TMEM120A: variants seen among roughly 807,000 people sequenced by gnomAD.
The protein encoded by TMEM120A is ion channel TACAN.
In TMEM120A, 45 loss-of-function variants were observed where a neutral mutation model predicts 54.3. The observed-to-expected ratio is 0.83, with a 90% confidence interval of 0.65 to 1.06. TMEM120A has a LOEUF of 1.06. TMEM120A is among the 50% of genes least tolerant of loss of function. The pLI is 0.00. For missense variants in TMEM120A, 424 were observed against 441.7 expected, an observed-to-expected ratio of 0.96 and a Z score of 0.36; for synonymous variants, 204 against 178.5, an observed-to-expected ratio of 1.14 and a Z score of -1.14.
At position 75,986,991 on chromosome 7, in the gene TMEM120A, T is replaced by TA; in HGVS notation, c.*180_*181insT. The stretch of plus-strand genomic sequence containing the variant: ...AGAACACACACGCTCAGGCCACCTC[T>TA]GGGCCTCTCTTTATTGAGGGCACTG... On this transcript the variant is annotated 3_prime_UTR_variant, in exon 12 of 12. Coordinates refer to ENST00000493111, the MANE Select transcript of TMEM120A (RefSeq NM_031925.3). 1.7e-6 allele frequency: 1 copy of TA among 578,728 alleles called. No individual in the cohort carries two copies. Among genetic ancestry groups the TA allele is most frequent in the Non-Finnish European group, 3.1e-6 (1 of 325,776 alleles). The allele number at this position is 578,728 out of a possible 1,614,324, so 35.8% of individuals were successfully genotyped here.
rs920155912 is a variant in TMEM120A, at chr7:75,987,077, C to A, written c.*95G>T. 2.0e-5 allele frequency: 21 copies of A among 1,042,472 alleles called. 1 individual carries two copies. The highest frequency in any genetic ancestry group is 1.7e-4 in the Admixed American group (8 of 46,364). 64.6% of individuals were successfully genotyped at this position (1,042,472 alleles called of 1,614,324 possible). On this transcript the variant is annotated 3_prime_UTR_variant, in exon 12 of 12. Coordinates refer to ENST00000493111, the MANE Select transcript of TMEM120A (RefSeq NM_031925.3). The stretch of plus-strand genomic sequence containing the variant: ...AAAACCCAAGGGAGAATAGAAGAGA[C>A]CCCCTGATACACGCACACTCGAGGG...
In TMEM120A at chr7:75,994,547, C is replaced by G. The variant is rs1328500617; in HGVS notation, c.24G>C (p.Pro8=). 41 of 1,557,054 alleles carry G rather than the reference C, an allele frequency of 2.6e-5. No individual in the cohort carries two copies. The highest frequency in any genetic ancestry group is 3.5e-5 in the Non-Finnish European group (40 of 1,152,182). The change falls in exon 1 of 12, where the codon CCG becomes CCC. Residue 8 remains proline, a synonymous_variant. Transcript: ENST00000493111. MQPPPPG[P]LGDCLRDWED... is the part of the protein sequence containing the mutation. ...CCCAGTCCCGCAGGCAGTCGCCCAG[C>G]GGGCCCGGGGGCGGGGGCTGCATGG...
intron 1 of TMEM120A, 35 bp from the exon 2 acceptor site, chr7:75,992,592 G>T: frequency 6.7e-7 from 1 of 1,486,966 alleles, no homozygotes; most frequent in African/African-American, 1.4e-5. Flanking sequence ...AGGCCAGTTG[G>T]GGAGCTACTG....
chr7:75,987,745 C>T lies in TMEM120A; in HGVS notation c.757G>A (p.Glu253Lys), dbSNP rs782587381. 8.7e-6 allele frequency: 14 copies of T among 1,612,308 alleles called. No individual in the cohort carries two copies. The highest frequency in any genetic ancestry group is 4.5e-5 in the East Asian group (2 of 44,866). ...GCLYRLRALG[E>K]RHTMDLTVEG... Reference sequence around the variant, plus strand: ...ACAGTGAGGTCCATGGTGTGCCGCTCGCCCAGCGCCCGCAGGCGGTAGAGG... The same window carrying T: ...ACAGTGAGGTCCATGGTGTGCCGCTTGCCCAGCGCCCGCAGGCGGTAGAGG... The change falls in exon 9 of 12, where the codon GAG becomes AAG. Residue 253 changes from glutamate (E) to lysine (K), a missense_variant. Glu to Lys is a moderately conservative substitution (Grantham distance 56). Transcript: ENST00000493111.
rs1230147209 is a variant in TMEM120A at position 75,987,326 on chromosome 7, C to T, written c.918+34G>A. The T allele has an allele frequency of 6.4e-6, 10 of 1,566,888 alleles. No homozygotes were observed. The East Asian group carries it at 9.6e-5, about 15-fold the overall frequency. On this transcript the variant is annotated intron_variant, in intron 11 of 11. Transcript: ENST00000493111. ...GGTGAGGGCTGGACATGGGCCTGGC[C>T]CCCCATCCATCCTGTCCAGGGACCC...
intron 5 of TMEM120A, 31 bp downstream of exon 5, chr7:75,988,390 G>A (rs1457123190): frequency 1.7e-5 from 27 of 1,610,562 alleles, no homozygotes; most frequent in Non-Finnish European, 2.1e-5. Flanking sequence ...CTGGGGATGG[G>A]GTGGGTCCTC....
At chr7:75,992,057 T>C (rs1789862622) in intron 3 of TMEM120A, 87 bp downstream of exon 3, 1 of 954,508 alleles carries the variant, frequency 1.0e-6, no homozygotes, top group South Asian at 1.6e-5. Context: ...CAGGGAACAT[T>C]TGCTGACTAT....
At position 75,987,433 on chromosome 7, in the gene TMEM120A, G is replaced by T; in HGVS notation, c.850-5C>A. The T allele has an allele frequency of 6.4e-7, 1 of 1,560,604 alleles. No individual in the cohort carries two copies. Among genetic ancestry groups the T allele is most frequent in the Non-Finnish European group, 8.7e-7 (1 of 1,152,272 alleles). ...CGCGTTAAAAAGCTGCCAGAACTAA[G>T]CAGGGAGGAGGCATTTTACTCAGAA... On this transcript the variant is annotated splice_polypyrimidine_tract_variant and splice_region_variant and intron_variant, in intron 10 of 11. Transcript: ENST00000493111.
At position 75,988,053 on chromosome 7, in the gene TMEM120A, TCCTGCC is replaced by T. The variant is rs782399369; in HGVS notation, c.629+24_629+29del. On this transcript the variant is annotated intron_variant, in intron 7 of 11. Coordinates refer to ENST00000493111, the MANE Select transcript of TMEM120A (RefSeq NM_031925.3). ...CCGTGTATCCCCTCCTTGTCCCAGCTCCTGCCCCTGCCGGGGCCCAGCCACTCACCA... is the reference window on the plus strand; with the variant it reads ...CCGTGTATCCCCTCCTTGTCCCAGCTCCTGCCGGGGCCCAGCCACTCACCA... 1,413 of 1,599,518 alleles carry T rather than the reference TCCTGCC, an allele frequency of 8.8e-4. 1 individual carries two copies. The highest frequency in any genetic ancestry group is 1.1e-3 in the Non-Finnish European group (1,279 of 1,174,014).
intron 3 of TMEM120A, among the ~76,000 whole-genome samples, chr7:75,991,807 A>G (rs1789854086): frequency 6.6e-6 from 1 of 152,000 alleles, no homozygotes; most frequent in Non-Finnish European, 1.5e-5. Flanking sequence ...CATCTCCCAG[A>G]GTGCTGAGAT....
chr7:75,994,328 G>A (rs1361921199), intron 1 of TMEM120A, among the ~76,000 whole-genome samples, 162 bp downstream of exon 1: 2 of 152,166 alleles, frequency 1.3e-5, no homozygotes, highest in African/African-American at 4.8e-5. Flanking sequence ...GGTGGTGGCA[G>A]TGGACACCAG....
chr7:75,991,468 C>A (rs529210413), intron 3 of TMEM120A, among the ~76,000 whole-genome samples: 2 of 152,134 alleles, frequency 1.3e-5, no homozygotes, highest in African/African-American at 4.8e-5. Context: ...TCCGGTGGTG[C>A]GATCTCAGCT....
chr7:75,988,049 C>G, intron 7 of TMEM120A, 34 bp downstream of exon 7: 1 of 1,598,416 alleles, frequency 6.3e-7, no homozygotes, highest in Non-Finnish European at 8.5e-7. Flanking sequence ...CTCCTTGTCC[C>G]AGCTCCTGCC....
At chr7:75,994,257 C>T (rs1163589835) in intron 1 of TMEM120A, among the ~76,000 whole-genome samples, 4 of 152,202 alleles carry the variant, frequency 2.6e-5, no homozygotes, top group Admixed American at 2.0e-4. Context: ...TTCCAAGGCC[C>T]TCATTGGAAG....
At chr7:75,988,053 T>TCCTGCC in intron 7 of TMEM120A, 30 bp downstream of exon 7, 1 of 1,599,520 alleles carries the variant, frequency 6.3e-7, no homozygotes, top group Non-Finnish European at 8.5e-7. Context: ...TTGTCCCAGC[T>TCCTGCC]CCTGCCCCTG....
rs1789736729 is a variant in TMEM120A, at chr7:75,989,195, A to C, written c.347T>G (p.Val116Gly). The C allele has an allele frequency of 6.8e-7, 1 of 1,470,916 alleles. No individual in the cohort carries two copies. Among genetic ancestry groups the C allele is most frequent in the South Asian group, 1.2e-5 (1 of 83,310 alleles). 91.1% of individuals were successfully genotyped at this position (1,470,916 alleles called of 1,614,324 possible). A position where few individuals can be genotyped will look rare whatever the true frequency, so the allele number is the denominator to read the frequency against. ...CTGCTTGCTCAGGAGCGTGACGTTGACGTTCCCCAGAACCAGGCTCAGGTA... is the reference window on the plus strand; with the variant it reads ...CTGCTTGCTCAGGAGCGTGACGTTGCCGTTCCCCAGAACCAGGCTCAGGTA... ...GLYLSLVLGN[V>G]NVTLLSKQAK... The change falls in exon 4 of 12, where the codon GTC becomes GGC. Residue 116 changes from valine (V) to glycine (G), a missense_variant. By Grantham distance (109) the Val-to-Gly change is moderately radical. Transcript: ENST00000493111.
intron 1 of TMEM120A, 62 bp downstream of exon 1, chr7:75,994,428 C>T: frequency 6.8e-7 from 1 of 1,479,724 alleles, no homozygotes; most frequent in Non-Finnish European, 9.2e-7. Flanking sequence ...GCTGCCCGAC[C>T]CTTGACCCTG....
intron 11 of TMEM120A, 25 bp from the exon 12 acceptor site, chr7:75,987,310 T>C (rs1181354948): frequency 6.3e-7 from 1 of 1,576,402 alleles, no homozygotes; most frequent in African/African-American, 1.4e-5. Flanking sequence ...GGGTGAGGGC[T>C]GGACATGGGC....
rs781831853 is a variant in TMEM120A, at chr7:75,994,484, G to T, written c.81+6C>A. 19 of 1,559,978 alleles carry T rather than the reference G, an allele frequency of 1.2e-5. No individual in the cohort carries two copies. Among genetic ancestry groups the T allele is most frequent in the Non-Finnish European group, 1.5e-5 (17 of 1,153,146 alleles). On this transcript the variant is annotated splice_donor_region_variant and intron_variant, in intron 1 of 11. Coordinates refer to ENST00000493111, the MANE Select transcript of TMEM120A (RefSeq NM_031925.3). ...GGGGCGACCCGGCGTCCGCAGCGGC[G>T]CTAACCTGGATGTTCTGGAAGTCCT... is the stretch of plus-strand genomic sequence containing the variant.
Sources: gnomAD v4.1 joint callset for allele counts (sites outside exome capture counted in the v4.1 genomes callset) on GRCh38, gnomAD v4.1.1 for gene constraint, MANE v1.5 for transcripts, NCBI Gene and HGNC (gene_info 2026-07-23, HGNC 2026-07-21) for gene names.